The following GALNT13 variants were observed in gnomAD, a reference collection of about 807,000 sequenced individuals.
The protein encoded by GALNT13 is UDP-GalNAc:polypeptide N-acetylgalactosaminyltransferase 13.
In GALNT13, 28 loss-of-function variants were observed where a neutral mutation model predicts 64.2. The ratio of observed to expected loss-of-function variants is 0.44; its 90% CI spans 0.32 to 0.60. GALNT13 has a LOEUF of 0.60. Ranked by LOEUF, GALNT13 falls within the 20% of genes least tolerant of loss-of-function variation. The pLI, the probability that GALNT13 is intolerant of heterozygous loss-of-function variation, is 0.05. For synonymous variants in GALNT13, 214 were observed against 224.6 expected, an observed-to-expected ratio of 0.95 and a Z score of 0.42; for missense variants, 577 against 669.8, an observed-to-expected ratio of 0.86 and a Z score of 1.53.
At chr2:153,664,063 G>A in the GALNT13 span, among the ~76,000 whole-genome samples, 1 of 152,134 alleles carries the variant, frequency 6.6e-6, no homozygotes, top group Non-Finnish European at 1.5e-5. Context: ...GTCCCGCTGG[G>A]CACGTATTGT....
chr2:153,349,194 G>A, the GALNT13 span, among the ~76,000 whole-genome samples: 1 of 151,956 alleles, frequency 6.6e-6, no homozygotes, highest in South Asian at 2.1e-4. Flanking sequence ...TTACTTCAGA[G>A]CAAGTGTGAA....
chr2:154,246,712 T>C (rs1689801020), intron 7 of GALNT13, among the ~76,000 whole-genome samples: 1 of 152,114 alleles, frequency 6.6e-6, no homozygotes, highest in African/African-American at 2.4e-5. Context: ...AAGATGAATT[T>C]GGCAAATCAT....
chr2:154,211,111 T>C (rs1418851627), intron 4 of GALNT13, among the ~76,000 whole-genome samples: 3 of 152,158 alleles, frequency 2.0e-5, no homozygotes, highest in Admixed American at 6.5e-5. Context: ...TTTCAACATC[T>C]ACACTCATGC....
At chr2:154,358,569 T>G (rs1696881690) in intron 9 of GALNT13, among the ~76,000 whole-genome samples, 1 of 152,128 alleles carries the variant, frequency 6.6e-6, no homozygotes, top group Non-Finnish European at 1.5e-5. Context: ...ATGGGAGGTT[T>G]ATACAATACT....
intron 3 of GALNT13, among the ~76,000 whole-genome samples, chr2:153,947,871 A>G (rs554451059): frequency 7.2e-5 from 11 of 152,200 alleles, no homozygotes; most frequent in Admixed American, 3.3e-4. Flanking sequence ...AGTATAAGGA[A>G]GGGGTCCAGT....
chr2:154,361,157 T>C (rs542363672), intron 9 of GALNT13, among the ~76,000 whole-genome samples: 3 of 152,208 alleles, frequency 2.0e-5, no homozygotes, highest in Non-Finnish European at 4.4e-5. Flanking sequence ...ATTTAAGTTA[T>C]GTTTATAAAG....
the GALNT13 span, among the ~76,000 whole-genome samples, chr2:153,682,587 G>A: frequency 6.6e-6 from 1 of 151,644 alleles, no homozygotes; most frequent in African/African-American, 2.4e-5. Flanking sequence ...CCTTGGAAAA[G>A]AATATTCAAC....
At chr2:153,163,237 T>C in the GALNT13 span, among the ~76,000 whole-genome samples, 1 of 152,108 alleles carries the variant, frequency 6.6e-6, no homozygotes, top group African/African-American at 2.4e-5. Context: ...CAGAAAGGAA[T>C]GTCTCTTCTA....
intron 9 of GALNT13, among the ~76,000 whole-genome samples, chr2:154,375,318 CAGAG>C (rs766668194): frequency 2.0e-5 from 3 of 151,978 alleles, no homozygotes; most frequent in Non-Finnish European, 4.4e-5. Flanking sequence ...AGTAAGAAGA[CAGAG>C]AGGACAGGCC....
chr2:153,629,010 G>A, the GALNT13 span, among the ~76,000 whole-genome samples: 180 of 152,130 alleles, frequency 1.2e-3, no homozygotes, highest in African/African-American at 4.2e-3. Flanking sequence ...ATTAATTATT[G>A]CCACAATTTC....
At chr2:153,146,876 A>G in the GALNT13 span, among the ~76,000 whole-genome samples, 1 of 151,858 alleles carries the variant, frequency 6.6e-6, no homozygotes, top group African/African-American at 2.4e-5. Flanking sequence ...GTCCTCTCCC[A>G]GGGTTTTTCC....
chr2:153,082,571 GTTTATATATATATATA>G, the GALNT13 span, among the ~76,000 whole-genome samples: 2 of 50,172 alleles, frequency 4.0e-5, no homozygotes, highest in South Asian at 1.6e-3. Flanking sequence ...ATTTAGGCTG[GTTTATATATATATATA>G]TATATATATA....
At chr2:153,243,485 A>G in the GALNT13 span, among the ~76,000 whole-genome samples, 1 of 151,524 alleles carries the variant, frequency 6.6e-6, no homozygotes, top group African/African-American at 2.5e-5. Context: ...TTTACTTATC[A>G]GATTTTTCAT....
the GALNT13 span, among the ~76,000 whole-genome samples, chr2:153,253,547 A>G: frequency 6.8e-6 from 1 of 148,000 alleles, no homozygotes; most frequent in South Asian, 2.2e-4. Context: ...GTCTTGTGCC[A>G]GTTTTCAAAG....
At chr2:153,567,845 C>T in the GALNT13 span, among the ~76,000 whole-genome samples, 1 of 152,154 alleles carries the variant, frequency 6.6e-6, no homozygotes. Context: ...GTTATCAAAC[C>T]ACTGAATTCC....
the GALNT13 span, among the ~76,000 whole-genome samples, chr2:153,222,332 T>TGGGGGGGGGGGGGGGG: frequency 1.7e-4 from 18 of 103,788 alleles, no homozygotes; most frequent in Admixed American, 2.3e-4. Flanking sequence ...GGGGGTGGGG[T>TGGGGGGGGGGGGGGGG]GGGGGGGGGG....
At chr2:153,920,556 G>A (rs543957718) in intron 2 of GALNT13, among the ~76,000 whole-genome samples, 1 of 151,912 alleles carries the variant, frequency 6.6e-6, no homozygotes, top group Non-Finnish European at 1.5e-5. Flanking sequence ...GAAATACCGT[G>A]CTGGACCTAG....
intron 3 of GALNT13, among the ~76,000 whole-genome samples, chr2:153,953,226 T>C (rs1278227708): frequency 6.6e-6 from 1 of 152,004 alleles, no homozygotes; most frequent in Non-Finnish European, 1.5e-5. Context: ...ACATATGACA[T>C]ATGCATAGGA....
chr2:153,393,474 TC>T, the GALNT13 span, among the ~76,000 whole-genome samples: 2 of 152,056 alleles, frequency 1.3e-5, no homozygotes, highest in Admixed American at 6.6e-5. Context: ...TTTAAAGAAT[TC>T]TTTTTTTTCC....
Sources: allele counts gnomAD v4.1 joint callset (sites outside exome capture counted in the v4.1 genomes callset), GRCh38; gene constraint gnomAD v4.1.1; transcripts MANE v1.5; gene names NCBI Gene and HGNC (gene_info 2026-07-23, HGNC 2026-07-21).